RNF222: variants seen among roughly 807,000 people sequenced by gnomAD.
The protein encoded by RNF222 is RING finger protein LOC643904.
Under a neutral mutation model 10.8 loss-of-function variants are expected in RNF222, and 14 were observed. The observed-to-expected ratio is 1.30, with a 90% CI of 0.86 to 2.03. RNF222 has a LOEUF of 2.03. Ranked by LOEUF, RNF222 falls within the 30% of genes most tolerant of loss-of-function variation. The probability of loss-of-function intolerance (pLI) is 0.00; values close to 1 mark genes in which losing one functional copy is unlikely to be tolerated. For synonymous variants in RNF222, 141 were observed against 142.5 expected, an observed-to-expected ratio of 0.99 and a Z score of 0.07; for missense variants, 298 against 295.8, an observed-to-expected ratio of 1.01 and a Z score of -0.06.
intron 1 of RNF222, among the ~76,000 whole-genome samples, chr17:8,394,683 C>T (rs1907985439): frequency 6.6e-6 from 1 of 152,140 alleles, no homozygotes; most frequent in Non-Finnish European, 1.5e-5. Context: ...GGTGATCCGC[C>T]CGCCTCGGCT....
intron 2 of RNF222, 54 bp from the exon 3 acceptor site, chr17:8,393,540 T>C: frequency 6.8e-7 from 1 of 1,478,166 alleles, no homozygotes; most frequent in Non-Finnish European, 9.0e-7. Context: ...CCCTCCCCCG[T>C]CCTAACTCCC....
At position 8,394,601 on chromosome 17, in the gene RNF222, C is replaced by G. The variant is rs142501090; in HGVS notation, c.-177-272G>C. The stretch of plus-strand genomic sequence containing the variant: ...TACAGGTGCATGCCACCACCCATGG[C>G]TAATTTTTGTAATTTTAGTAGAGAC... On this transcript the variant is annotated intron_variant, in intron 1 of 2. Coordinates refer to ENST00000399398, the MANE Select transcript of RNF222 (RefSeq NM_001146684.3). 6.0e-3 allele frequency among the ~76,000 whole-genome samples: 919 copies of G among 152,214 alleles called. 5 individuals carry two copies. Among genetic ancestry groups the G allele is most frequent in the Non-Finnish European group, 9.1e-3 (621 of 68,000 alleles).
At chr17:8,393,531 C>A in intron 2 of RNF222, 45 bp from the exon 3 acceptor site, 1 of 1,481,824 alleles carries the variant, frequency 6.7e-7, no homozygotes, top group East Asian at 2.5e-5. Context: ...TTCCTCTTTC[C>A]CTCCCCCGTC....
At position 8,392,600 on chromosome 17, in the gene RNF222, C is replaced by T; in HGVS notation, c.*199G>A. On this transcript the variant is annotated 3_prime_UTR_variant, in exon 3 of 3. Transcript: ENST00000399398. The surrounding 1 kb of genome is among the most constrained non-coding windows in gnomAD (Gnocchi z 4.3). ...GGATTCACGTGGGGAACACGCGCCGCGCGCATGGAGTCAGCTCCAGCCTCT... is the reference window on the plus strand; with the variant it reads ...GGATTCACGTGGGGAACACGCGCCGTGCGCATGGAGTCAGCTCCAGCCTCT... 2 of 623,298 alleles carry T rather than the reference C, an allele frequency of 3.2e-6. No homozygotes were observed. Among genetic ancestry groups the T allele is most frequent in the South Asian group, 2.0e-5 (1 of 50,214 alleles). The allele number at this position is 623,298 out of a possible 1,614,324, so 38.6% of individuals were successfully genotyped here. A position where few individuals can be genotyped will look rare whatever the true frequency, so the allele number is the denominator to read the frequency against.
In RNF222 at chr17:8,392,173, G is replaced by A. The variant is rs1907857849; in HGVS notation, c.*626C>T. 6.5e-6 allele frequency: 1 copy of A among 152,700 alleles called. No individual in the cohort carries two copies. The highest frequency in any genetic ancestry group is 2.4e-5 in the African/African-American group (1 of 41,458). The allele number at this position is 152,700 out of a possible 1,614,324, so 9.5% of individuals were successfully genotyped here. A position where few individuals can be genotyped will look rare whatever the true frequency, so the allele number is the denominator to read the frequency against. ...GGATCTGGCCTCAGCTCTGCAGGAA[G>A]AACAGTTTCTGTTCATTCTCCCAGA... On this transcript the variant is annotated 3_prime_UTR_variant, in exon 3 of 3. Transcript: ENST00000399398. This position sits in a 1 kb window ranked among gnomAD's most constrained non-coding sequence, Gnocchi z 4.3.
At chr17:8,397,433 A>AC (rs369331144) in intron 1 of RNF222, among the ~76,000 whole-genome samples, 36 of 150,698 alleles carry the variant, frequency 2.4e-4, no homozygotes, top group African/African-American at 6.3e-4. Flanking sequence ...CAGAGAAAAC[A>AC]CCCCCCATCC....
rs1171626589 is a variant in RNF222, at chr17:8,393,491, G to C, written c.-25-5C>G. The C allele has an allele frequency of 2.6e-6, 4 of 1,523,540 alleles. No individual in the cohort carries two copies. Among genetic ancestry groups the C allele is most frequent in the Non-Finnish European group, 3.5e-6 (4 of 1,134,110 alleles). 94.4% of individuals were successfully genotyped at this position (1,523,540 alleles called of 1,614,324 possible). ...ACTGGGAGATGGCACGCTCAGCTGT[G>C]GACGGGAAGGGTTGTGAATATTGGG... On this transcript the variant is annotated splice_polypyrimidine_tract_variant and splice_region_variant and intron_variant, in intron 2 of 2. Coordinates refer to ENST00000399398, the MANE Select transcript of RNF222 (RefSeq NM_001146684.3).
Position 8,393,354 on chromosome 17 carries a change from C to T in RNF222, c.108G>A (p.Val36=), listed in dbSNP as rs1567711988. Residue 36 remains valine, a synonymous_variant, in exon 3 of 3, where the codon GTG becomes GTA. Coordinates refer to ENST00000399398, the MANE Select transcript of RNF222 (RefSeq NM_001146684.3). ...GASRTLSCGH[V]FCHDCLVKYL... ...ACTTGACCAGGCAGTCATGGCAGAA[C>T]ACATGGCCACAGCTCAGCGTCCGGC... 6.4e-7 allele frequency: 1 copy of T among 1,551,716 alleles called. No individual in the cohort carries two copies. The highest frequency in any genetic ancestry group is 1.4e-5 in the African/African-American group (1 of 73,162).
chr17:8,392,984 C>T lies in RNF222; in HGVS notation c.478G>A (p.Gly160Arg), dbSNP rs1907899320. 3 of 1,505,096 alleles carry T rather than the reference C, an allele frequency of 2.0e-6. No individual in the cohort carries two copies. Among genetic ancestry groups the T allele is most frequent in the Non-Finnish European group, 2.6e-6 (3 of 1,132,922 alleles). The allele number at this position is 1,505,096 out of a possible 1,614,324, so 93.2% of individuals were successfully genotyped here. ...FVISRHGMPL[G>R]EQDSVLPRRS... Reference sequence around the variant, plus strand: ...CGGGGCAGCACGCTGTCCTGCTCCCCCAGGGGCATCCCGTGGCGGCTGATG... The same window carrying T: ...CGGGGCAGCACGCTGTCCTGCTCCCTCAGGGGCATCCCGTGGCGGCTGATG... Residue 160 changes from glycine to arginine, a missense_variant, in exon 3 of 3, where the codon GGG becomes AGG. Coordinates refer to ENST00000399398, the MANE Select transcript of RNF222 (RefSeq NM_001146684.3). This position sits in a 1 kb window ranked among gnomAD's most constrained non-coding sequence, Gnocchi z 4.3.
chr17:8,393,622 C>CT (rs1369381175), intron 2 of RNF222, 136 bp from the exon 3 acceptor site: 1 of 1,249,590 alleles, frequency 8.0e-7, no homozygotes, highest in African/African-American at 1.5e-5. Context: ...TCCTCCTACT[C>CT]TTGGCTCTTC....
At chr17:8,394,722 G>A (rs1250315397) in intron 1 of RNF222, among the ~76,000 whole-genome samples, 1 of 152,210 alleles carries the variant, frequency 6.6e-6, no homozygotes, top group African/African-American at 2.4e-5. Context: ...GATTACAGAC[G>A]CAAGCCAAGG....
At position 8,390,986 on chromosome 17, in the gene RNF222, C is replaced by T. The variant is rs1267876396; in HGVS notation, c.*1813G>A. The T allele has an allele frequency of 6.6e-6, 1 of 151,100 alleles. No homozygotes were observed. Among genetic ancestry groups the T allele is most frequent in the Non-Finnish European group, 1.5e-5 (1 of 67,872 alleles). 9.4% of individuals were successfully genotyped at this position (151,100 alleles called of 1,614,324 possible). On this transcript the variant is annotated 3_prime_UTR_variant, in exon 3 of 3. Coordinates refer to ENST00000399398, the MANE Select transcript of RNF222 (RefSeq NM_001146684.3). ...TAATAAATATTTTCCCCATGGAATC[C>T]ATCTGTATCCCTCCCCTCCAATAGC...
At chr17:8,395,440 G>A (rs1453642439) in intron 1 of RNF222, among the ~76,000 whole-genome samples, 1 of 152,214 alleles carries the variant, frequency 6.6e-6, no homozygotes, top group Non-Finnish European at 1.5e-5. Context: ...GTGAGCTAAT[G>A]TGAGTGAAGA....
rs2151681941 is a variant in RNF222, at chr17:8,392,874, G to A, written c.588C>T (p.Leu196=). The change falls in exon 3 of 3, where the codon CTC becomes CTT. Residue 196 remains leucine (L), a synonymous_variant. Coordinates refer to ENST00000399398, the MANE Select transcript of RNF222 (RefSeq NM_001146684.3). The surrounding 1 kb of genome is among the most constrained non-coding windows in gnomAD (Gnocchi z 4.3). The part of the protein sequence containing the change: ...AFCCRSRALL[L]ITLIAVVAVV... ...CGGCCACCACAGCGATGAGCGTGAT[G>A]AGCAGCAGGGCCCGCGATCGGCAGC... 3 of 1,533,390 alleles carry A rather than the reference G, an allele frequency of 2.0e-6. No homozygotes were observed. The highest frequency in any genetic ancestry group is 2.4e-5 in the East Asian group (1 of 40,844). The allele number at this position is 1,533,390 out of a possible 1,614,324, so 95.0% of individuals were successfully genotyped here.
At chr17:8,395,033 G>T (rs1254562079) in intron 1 of RNF222, among the ~76,000 whole-genome samples, 1 of 152,226 alleles carries the variant, frequency 6.6e-6, no homozygotes, top group Admixed American at 6.5e-5. Flanking sequence ...AGACCTGAGA[G>T]ATGACATAGT....
rs1597501429 is a variant in RNF222, at chr17:8,392,596, G to C, written c.*203C>G. ...CTGAGGATTCACGTGGGGAACACGC[G>C]CCGCGCGCATGGAGTCAGCTCCAGC... On this transcript the variant is annotated 3_prime_UTR_variant, in exon 3 of 3. Coordinates refer to ENST00000399398, the MANE Select transcript of RNF222 (RefSeq NM_001146684.3). The surrounding 1 kb of genome is among the most constrained non-coding windows in gnomAD (Gnocchi z 4.3). The C allele has an allele frequency of 1.6e-6, 1 of 612,776 alleles. No individual in the cohort carries two copies. Among genetic ancestry groups the C allele is most frequent in the African/African-American group, 2.0e-5 (1 of 50,804 alleles). The allele number at this position is 612,776 out of a possible 1,614,324, so 38.0% of individuals were successfully genotyped here.
At chr17:8,395,682 C>T (rs765282821) in intron 1 of RNF222, among the ~76,000 whole-genome samples, 113 of 152,228 alleles carry the variant, frequency 7.4e-4, no homozygotes, top group Admixed American at 5.3e-3. Context: ...ATTAGAATAA[C>T]GGAACAAGAT....
At position 8,392,887 on chromosome 17, in the gene RNF222, C is replaced by T. The variant is rs1219191825; in HGVS notation, c.575G>A (p.Arg192Gln). The change falls in exon 3 of 3, where the codon CGG (arginine) becomes CAG (glutamine). Residue 192 changes from arginine to glutamine, a missense_variant. Physicochemically the swap from Arg to Gln is conservative, Grantham distance 43. Coordinates refer to ENST00000399398, the MANE Select transcript of RNF222 (RefSeq NM_001146684.3). The surrounding 1 kb of genome is among the most constrained non-coding windows in gnomAD (Gnocchi z 4.3). The part of the protein sequence containing the change: ...RSARAFCCRS[R>Q]ALLLITLIAV... Reference sequence around the variant, plus strand: ...GATGAGCGTGATGAGCAGCAGGGCCCGCGATCGGCAGCAGAAGGCGCGGGC... The same window carrying T: ...GATGAGCGTGATGAGCAGCAGGGCCTGCGATCGGCAGCAGAAGGCGCGGGC... The T allele has an allele frequency of 3.9e-6, 6 of 1,533,028 alleles. No homozygotes were observed. The highest frequency in any genetic ancestry group is 1.4e-5 in the African/African-American group (1 of 72,840). The allele number at this position is 1,533,028 out of a possible 1,614,324, so 95.0% of individuals were successfully genotyped here. A position where few individuals can be genotyped will look rare whatever the true frequency, so the allele number is the denominator to read the frequency against.
intron 2 of RNF222, 98 bp from the exon 3 acceptor site, chr17:8,393,584 CT>C: frequency 7.1e-7 from 1 of 1,414,310 alleles, no homozygotes; most frequent in Non-Finnish European, 9.3e-7. Flanking sequence ...CCCTTATCCC[CT>C]CTCCCTGTCT....
Sources: gnomAD v4.1 joint callset for allele counts (sites outside exome capture counted in the v4.1 genomes callset) on GRCh38, gnomAD v4.1.1 for gene constraint, Gnocchi (gnomAD v3.1) non-coding constraint, MANE v1.5 for transcripts, NCBI Gene and HGNC (gene_info 2026-07-23, HGNC 2026-07-21) for gene names.